Variants in BMP2K observed in about 807,000 individuals in gnomAD.
The protein encoded by BMP2K is BMP-2-inducible protein kinase.
In BMP2K, 74 loss-of-function variants were observed where a neutral mutation model predicts 116.0. That is an observed-to-expected ratio of 0.64 (90% CI 0.53 to 0.77). The LOEUF (loss-of-function observed/expected upper bound fraction) is 0.77, where lower values mean the gene tolerates loss of function less well. BMP2K is among the 30% of genes least tolerant of loss of function. BMP2K has a pLI of 0.00. For missense variants in BMP2K, 1,365 were observed against 1,403.6 expected (o/e 0.97, Z 0.44); for synonymous variants, 486 against 502.5 (o/e 0.97, Z 0.44).
intron 1 of BMP2K, among the ~76,000 whole-genome samples, chr4:78,792,637 G>C (rs187927622): frequency 6.6e-6 from 1 of 152,132 alleles, no homozygotes; most frequent in East Asian, 1.9e-4. Context: ...TTTCTGAGGA[G>C]ACAGGTGATA....
At chr4:78,855,804 A>G (rs1256126641) in intron 7 of BMP2K, among the ~76,000 whole-genome samples, 1 of 152,170 alleles carries the variant, frequency 6.6e-6, no homozygotes, top group Non-Finnish European at 1.5e-5. Context: ...GATTTACACT[A>G]TTGAGTGAGC....
At position 78,909,129 on chromosome 4, in the gene BMP2K, G is replaced by T. The variant is rs574168832; in HGVS notation, c.2063-1481G>T. On this transcript the variant is annotated intron_variant, in intron 15 of 15. Transcript: ENST00000502613. ...ACTGGAGTGCAGTGGTGCGATCTTG[G>T]CTCACTGCAACCTCTGTCTTCCAGT... Among the ~76,000 whole-genome samples the T allele has an allele frequency of 3.8e-4, 55 of 145,198 alleles. 1 individual carries two copies. In the South Asian group the frequency reaches 0.012, roughly 31 times the overall value.
At chr4:78,793,650 A>G (rs1393367314) in intron 1 of BMP2K, among the ~76,000 whole-genome samples, 1 of 152,140 alleles carries the variant, frequency 6.6e-6, no homozygotes, top group East Asian at 1.9e-4. Context: ...AGTCCGATAT[A>G]GTAGCTAGTA....
intron 10 of BMP2K, among the ~76,000 whole-genome samples, chr4:78,867,045 C>T (rs963043708): frequency 1.3e-5 from 2 of 151,920 alleles, no homozygotes; most frequent in Non-Finnish European, 2.9e-5. Context: ...GTGGTACACA[C>T]CTGTAGTCCC....
Position 78,911,846 on chromosome 4 carries a change from C to T in BMP2K, c.3299C>T (p.Pro1100Leu), listed in dbSNP as rs369460173. ...CGTGCTGATCACAATACTGTCCTGC[C>T]AGGGCGGCCAAGACAAAATTCACTA... ...DIRADHNTVL[P>L]GRPRQNSLHG... Residue 1100 changes from proline to leucine, a missense_variant, in exon 16 of 16, where the codon CCA (proline) becomes CTA (leucine). Transcript: ENST00000502613. 2.5e-6 allele frequency: 4 copies of T among 1,613,980 alleles called. No homozygotes were observed. The highest frequency in any genetic ancestry group is 1.1e-5 in the South Asian group (1 of 91,082).
At chr4:78,850,077 T>TA (rs1577924720) in intron 6 of BMP2K, among the ~76,000 whole-genome samples, 1 of 151,732 alleles carries the variant, frequency 6.6e-6, no homozygotes, top group African/African-American at 2.4e-5. Flanking sequence ...GAATTGGAAA[T>TA]ACCCCTTACA....
intron 13 of BMP2K, among the ~76,000 whole-genome samples, chr4:78,876,929 C>T (rs576544111): frequency 4.3e-4 from 65 of 152,246 alleles, no homozygotes; most frequent in Middle Eastern, 3.4e-3. Flanking sequence ...ATTGCTCTTA[C>T]GCTACAAACC....
At chr4:78,897,744 T>G (rs913210523) in intron 15 of BMP2K, among the ~76,000 whole-genome samples, 5 of 152,196 alleles carry the variant, frequency 3.3e-5, no homozygotes, top group Admixed American at 6.5e-5. Context: ...ACCTTCTAAT[T>G]TCCCAGCCGT....
intron 15 of BMP2K, among the ~76,000 whole-genome samples, chr4:78,904,684 AG>A (rs1199289494): frequency 6.6e-6 from 1 of 151,960 alleles, no homozygotes; most frequent in Non-Finnish European, 1.5e-5. Flanking sequence ...AGAATTCAGC[AG>A]AAGTAAAGAA....
chr4:78,836,523 G>A (rs903411630), intron 3 of BMP2K, among the ~76,000 whole-genome samples: 6 of 151,994 alleles, frequency 3.9e-5, no homozygotes, highest in African/African-American at 1.4e-4. Context: ...GGGAGACTTC[G>A]ATCATCCTGC....
chr4:78,871,229 AAATACTTAAG>A (rs1228909113), intron 11 of BMP2K, among the ~76,000 whole-genome samples, 169 bp downstream of exon 11: 2 of 152,230 alleles, frequency 1.3e-5, no homozygotes, highest in Non-Finnish European at 2.9e-5. Context: ...GCAATCAGTG[AAATACTTAAG>A]AATACTGTAA....
chr4:78,816,022 A>G (rs796513526), intron 1 of BMP2K, among the ~76,000 whole-genome samples: 9 of 152,328 alleles, frequency 5.9e-5, no homozygotes, highest in African/African-American at 1.4e-4. Context: ...TACGTATTGC[A>G]TAGAATGACC....
At chr4:78,789,406 A>G (rs563620393) in intron 1 of BMP2K, among the ~76,000 whole-genome samples, 2 of 152,202 alleles carry the variant, frequency 1.3e-5, no homozygotes, top group African/African-American at 4.8e-5. Context: ...TATGCTGTAT[A>G]GGCATTGGCC....
chr4:78,839,463 A>G (rs1730649666), intron 3 of BMP2K, among the ~76,000 whole-genome samples: 1 of 152,182 alleles, frequency 6.6e-6, no homozygotes, highest in South Asian at 2.1e-4. Context: ...TGCCTCATTT[A>G]TTGGGACAGA....
At chr4:78,875,808 TTC>T (rs773072361) in intron 13 of BMP2K, among the ~76,000 whole-genome samples, 1 of 152,248 alleles carries the variant, frequency 6.6e-6, no homozygotes, top group Non-Finnish European at 1.5e-5. Flanking sequence ...TGCTTGAGTT[TTC>T]TCTTTGCCAA....
intron 4 of BMP2K, among the ~76,000 whole-genome samples, chr4:78,844,697 G>T (rs567095327): frequency 6.6e-6 from 1 of 151,628 alleles, no homozygotes; most frequent in East Asian, 1.9e-4. Flanking sequence ...CCATTCATTT[G>T]ACCTTCCTCA....
At chr4:78,813,970 T>C (rs1272349767) in intron 1 of BMP2K, among the ~76,000 whole-genome samples, 1 of 152,254 alleles carries the variant, frequency 6.6e-6, no homozygotes, top group Non-Finnish European at 1.5e-5. Context: ...GCATTTAATA[T>C]ATATTGTTGA....
At chr4:78,812,176 C>T (rs191799437) in intron 1 of BMP2K, among the ~76,000 whole-genome samples, 1 of 152,166 alleles carries the variant, frequency 6.6e-6, no homozygotes, top group East Asian at 1.9e-4. Flanking sequence ...CCATGTTAGG[C>T]CAGGCTGGTC....
rs186555222 is a variant in BMP2K, at chr4:78,839,170, G to A, written c.404-3215G>A. 3.3e-5 allele frequency among the ~76,000 whole-genome samples: 5 copies of A among 152,316 alleles called. No homozygotes were observed. In the East Asian group the frequency reaches 9.6e-4, roughly 29 times the overall value. On this transcript the variant is annotated intron_variant, in intron 3 of 15. Transcript: ENST00000502613. ...GCTGCTTTCAACTTAGCTTGGTTGG[G>A]TGGCACTGCAGATTTTGGCAGGGCT...
Sources: gnomAD v4.1 joint callset for allele counts (sites outside exome capture counted in the v4.1 genomes callset) on GRCh38, gnomAD v4.1.1 for gene constraint, MANE v1.5 for transcripts, NCBI Gene and HGNC (gene_info 2026-07-23, HGNC 2026-07-21) for gene names.